The following MYT1 variants were observed in gnomAD, a reference collection of about 807,000 sequenced individuals.
MYT1 encodes the protein myelin transcription factor I.
Under a neutral mutation model 123.0 loss-of-function variants are expected in MYT1, and 23 were observed. The observed-to-expected ratio is 0.19, with a 90% CI of 0.13 to 0.26. The LOEUF (loss-of-function observed/expected upper bound fraction) is 0.26, where lower values mean the gene tolerates loss of function less well. MYT1 is among the 10% of genes least tolerant of loss of function. MYT1 has a pLI of 1.00. For missense variants in MYT1, 1,125 were observed against 1,472.5 expected (o/e 0.76, Z 3.86); for synonymous variants, 518 against 575.3 (o/e 0.90, Z 1.43).
chr20:64,177,430 C>T (rs935670126), intron 1 of MYT1, among the ~76,000 whole-genome samples: 4 of 152,122 alleles, frequency 2.6e-5, no homozygotes, highest in African/African-American at 7.2e-5. Context: ...ATTTTCCCCT[C>T]GGTCCCATTT....
At position 64,198,904 on chromosome 20, in the gene MYT1, A is replaced by G. The variant is rs1450458640; in HGVS notation, c.43A>G (p.Lys15Glu). The change falls in exon 3 of 23, where the codon AAG becomes GAG. Residue 15 changes from lysine (K) to glutamate (E), a missense_variant. Coordinates refer to ENST00000328439, the MANE Select transcript of MYT1 (RefSeq NM_004535.3). Reference protein sequence around the residue: ...NEDKRARTRSKALRGPPETTA... With the variant: ...NEDKRARTRSEALRGPPETTA... Reference sequence around the variant, plus strand: ...AGACAAGCGAGCTCGCACCCGATCCAAGGCCCTGCGAGGTGAGTGCCGCCC... The same window carrying G: ...AGACAAGCGAGCTCGCACCCGATCCGAGGCCCTGCGAGGTGAGTGCCGCCC... 6.2e-7 allele frequency: 1 copy of G among 1,614,116 alleles called. No homozygotes were observed.
Position 64,207,872 on chromosome 20 carries a change from G to A in MYT1, c.676G>A (p.Glu226Lys). ...GCCAGAGGATGCCGAGGAGGTCGTC[G>A]AAGTCACCACCGAGCGCTCCCAGGA... ...IQPEDAEEVV[E>K]VTTERSQDLC... The change falls in exon 7 of 23, where the codon GAA becomes AAA. Residue 226 changes from glutamate (E) to lysine (K), a missense_variant. By Grantham distance (56) the Glu-to-Lys change is moderately conservative. Coordinates refer to ENST00000328439, the MANE Select transcript of MYT1 (RefSeq NM_004535.3). The A allele has an allele frequency of 8.1e-6, 13 of 1,613,178 alleles. No individual in the cohort carries two copies. The highest frequency in any genetic ancestry group is 5.5e-5 in the South Asian group (5 of 91,010).
chr20:64,208,451 C>A lies in MYT1; in HGVS notation c.1255C>A (p.Pro419Thr). ...GLGEPGKAAK[P>T]LDTVRKSYYS... Reference sequence around the variant, plus strand: ...GGGAGAGCCAGGGAAGGCAGCAAAGCCCCTGGACACTGTGCGGAAGAGTTA... The same window carrying A: ...GGGAGAGCCAGGGAAGGCAGCAAAGACCCTGGACACTGTGCGGAAGAGTTA... The change falls in exon 7 of 23, where the codon CCC (proline) becomes ACC (threonine). Residue 419 changes from proline to threonine, a missense_variant. Pro to Thr is a conservative substitution (Grantham distance 38). This residue lies in a region of MYT1 where 429 missense variants were observed against 604.1 expected (regional missense o/e 0.71). Transcript: ENST00000328439. The surrounding 1 kb of genome is among the most constrained non-coding windows in gnomAD (Gnocchi z 5.4). 3.1e-6 allele frequency: 5 copies of A among 1,612,110 alleles called. No individual in the cohort carries two copies. The highest frequency in any genetic ancestry group is 2.2e-5 in the South Asian group (2 of 90,934).
intron 2 of MYT1, among the ~76,000 whole-genome samples, chr20:64,197,110 G>T (rs1005267016): frequency 2.6e-5 from 4 of 152,198 alleles, no homozygotes; most frequent in Non-Finnish European, 5.9e-5. Context: ...AATAGAAATT[G>T]TAGTAATTGT....
intron 14 of MYT1, among the ~76,000 whole-genome samples, chr20:64,222,725 TG>T (rs1984047178): frequency 6.6e-6 from 1 of 152,220 alleles, no homozygotes; most frequent in African/African-American, 2.4e-5. Flanking sequence ...GAACCCCTCT[TG>T]TACCCTCACA....
At position 64,189,191 on chromosome 20, in the gene MYT1, C is replaced by T. The variant is rs76266497; in HGVS notation, c.-98-872C>T. On this transcript the variant is annotated intron_variant, in intron 1 of 22. Coordinates refer to ENST00000328439, the MANE Select transcript of MYT1 (RefSeq NM_004535.3). This position sits in a 1 kb window ranked among gnomAD's most constrained non-coding sequence, Gnocchi z 5.5. Reference sequence around the variant, plus strand: ...AAAGTGGGTGGGAATAGCGTGCCTTCGGCAGAATCCAAACTCACTTCCAAG... The same window carrying T: ...AAAGTGGGTGGGAATAGCGTGCCTTTGGCAGAATCCAAACTCACTTCCAAG... Among the ~76,000 whole-genome samples, 1,699 of 152,296 alleles carry T rather than the reference C, an allele frequency of 0.011. 27 individuals carry two copies. The highest frequency in any genetic ancestry group is 0.038 in the African/African-American group (1,599 of 41,558).
chr20:64,180,274 A>G (rs960978714), intron 1 of MYT1, among the ~76,000 whole-genome samples: 1 of 152,320 alleles, frequency 6.6e-6, no homozygotes, highest in East Asian at 1.9e-4. Context: ...TTACTTCTCC[A>G]TCTATCGATG....
intron 19 of MYT1, among the ~76,000 whole-genome samples, chr20:64,234,048 A>G (rs1434022729): frequency 6.6e-6 from 1 of 152,228 alleles, no homozygotes; most frequent in African/African-American, 2.4e-5. Context: ...CGGGAAGGCC[A>G]CTAAAGGAGA....
intron 1 of MYT1, among the ~76,000 whole-genome samples, chr20:64,184,401 T>C (rs1297913413): frequency 6.6e-6 from 1 of 152,066 alleles, no homozygotes; most frequent in Non-Finnish European, 1.5e-5. Context: ...TCCCATTAAA[T>C]TGTTTTTGTG....
chr20:64,224,243 A>G (rs1051950715), intron 16 of MYT1, among the ~76,000 whole-genome samples: 2 of 152,136 alleles, frequency 1.3e-5, no homozygotes, highest in Non-Finnish European at 2.9e-5. Flanking sequence ...CCTCCCTCCC[A>G]TAGGCCTCTG....
rs1983941407 is a variant in MYT1 at position 64,219,727 on chromosome 20, G to C, written c.1986G>C (p.Glu662Asp). The C allele has an allele frequency of 1.9e-6, 3 of 1,612,160 alleles. No individual in the cohort carries two copies. Among genetic ancestry groups the C allele is most frequent in the Non-Finnish European group, 2.5e-6 (3 of 1,178,576 alleles). ...QDLPSKSVDI[E>D]VDENGTLDLS... ...TGCCATTGCAGTCTGTGGATATCGAGGTAGACGAAAATGGAACCCTGGACT... is the reference window on the plus strand; with the variant it reads ...TGCCATTGCAGTCTGTGGATATCGACGTAGACGAAAATGGAACCCTGGACT... Residue 662 changes from glutamate (E) to aspartate (D), a missense_variant, in exon 13 of 23, where the codon GAG becomes GAC. Glu to Asp is a conservative substitution (Grantham distance 45). Coordinates refer to ENST00000328439, the MANE Select transcript of MYT1 (RefSeq NM_004535.3).
At chr20:64,169,550 G>C (rs146690319) in intron 1 of MYT1, among the ~76,000 whole-genome samples, 3 of 152,134 alleles carry the variant, frequency 2.0e-5, no homozygotes, top group Non-Finnish European at 2.9e-5. Context: ...GATAACTGCC[G>C]TCCCAGGGAG....
At position 64,232,045 on chromosome 20, in the gene MYT1, A is replaced by G. The variant is rs1984334970; in HGVS notation, c.2676-119A>G. ...GGACCTCAGCGGCCCTCCCTGCCTCACTCAGAAGCCCTTTAACGGCTCTGA... is the reference window on the plus strand; with the variant it reads ...GGACCTCAGCGGCCCTCCCTGCCTCGCTCAGAAGCCCTTTAACGGCTCTGA... On this transcript the variant is annotated intron_variant, in intron 18 of 22. Transcript: ENST00000328439. The surrounding 1 kb of genome is among the most constrained non-coding windows in gnomAD (Gnocchi z 6.9). The G allele has an allele frequency of 2.0e-6, 2 of 996,772 alleles. No individual in the cohort carries two copies. The highest frequency in any genetic ancestry group is 3.0e-6 in the Non-Finnish European group (2 of 671,552). The allele number at this position is 996,772 out of a possible 1,614,324, so 61.7% of individuals were successfully genotyped here.
chr20:64,179,416 A>G (rs947698778), intron 1 of MYT1, among the ~76,000 whole-genome samples: 2 of 152,234 alleles, frequency 1.3e-5, no homozygotes, highest in Non-Finnish European at 2.9e-5. Context: ...CAGCACCTCT[A>G]TGCCAGAGGG....
chr20:64,208,076 G>C lies in MYT1; in HGVS notation c.880G>C (p.Glu294Gln), dbSNP rs1983549614. ...EEEEEEEEEE[E>Q]EEEEEEEEEE... ...GGAAGAGGAGGAGGAGGAAGAGGAA[G>C]AGGAGGAGGAAGAGGAAGAGGAAGA... The change falls in exon 7 of 23, where the codon GAG becomes CAG. Residue 294 changes from glutamate to glutamine, a missense_variant. Physicochemically the swap from Glu to Gln is conservative, Grantham distance 29 (BLOSUM62 2). Transcript: ENST00000328439. The surrounding 1 kb of genome is among the most constrained non-coding windows in gnomAD (Gnocchi z 5.4). The C allele has an allele frequency of 1.2e-6, 2 of 1,607,332 alleles. No individual in the cohort carries two copies. The highest frequency in any genetic ancestry group is 1.7e-6 in the Non-Finnish European group (2 of 1,177,384).
chr20:64,198,876 T>G lies in MYT1; in HGVS notation c.15T>G (p.Asn5Lys). The G allele has an allele frequency of 3.7e-6, 6 of 1,614,076 alleles. No homozygotes were observed. Among genetic ancestry groups the G allele is most frequent in the Non-Finnish European group, 5.1e-6 (6 of 1,179,994 alleles). Residue 5 changes from asparagine to lysine, a missense_variant, in exon 3 of 23, where the codon AAT becomes AAG. Coordinates refer to ENST00000328439, the MANE Select transcript of MYT1 (RefSeq NM_004535.3). MSLE[N>K]EDKRARTRSK... ...TTTGCTTGCAGATGAGCTTAGAAAA[T>G]GAAGACAAGCGAGCTCGCACCCGAT...
chr20:64,203,375 T>C lies in MYT1; in HGVS notation c.87-1660T>C, dbSNP rs1169562532. Among the ~76,000 whole-genome samples, 1 of 151,900 alleles carries C rather than the reference T, an allele frequency of 6.6e-6. No individual in the cohort carries two copies. Among genetic ancestry groups the C allele is most frequent in the African/African-American group, 2.4e-5 (1 of 41,310 alleles). On this transcript the variant is annotated intron_variant, in intron 4 of 22. Transcript: ENST00000328439. This position sits in a 1 kb window ranked among gnomAD's most constrained non-coding sequence, Gnocchi z 5.1. Reference sequence around the variant, plus strand: ...GTCCCAAAGCTAGTTCTCCAAAGAGTGAAAGCAAGTGTGGGCCTGGATTTT... The same window carrying C: ...GTCCCAAAGCTAGTTCTCCAAAGAGCGAAAGCAAGTGTGGGCCTGGATTTT...
chr20:64,228,181 C>T (rs934184581), intron 18 of MYT1: 13 of 577,280 alleles, frequency 2.3e-5, no homozygotes, highest in Middle Eastern at 4.3e-4. Flanking sequence ...CTGGATGTCG[C>T]GTGGAGGGCA....
At chr20:64,230,529 A>G (rs1016851768) in intron 18 of MYT1, among the ~76,000 whole-genome samples, 1 of 152,160 alleles carries the variant, frequency 6.6e-6, no homozygotes, top group African/African-American at 2.4e-5. Context: ...TACTACTACT[A>G]CTACTAATAA....
Sources: allele counts gnomAD v4.1 joint callset (sites outside exome capture counted in the v4.1 genomes callset), GRCh38; gene constraint gnomAD v4.1.1; regional missense constraint gnomAD v4.1.1; non-coding constraint Gnocchi (gnomAD v3.1); transcripts MANE v1.5; gene names NCBI Gene and HGNC (gene_info 2026-07-23, HGNC 2026-07-21).